Variants in RGS6 observed in about 807,000 individuals in gnomAD.
RGS6 encodes regulator of G protein signaling 6.
RGS6 carries 30 observed loss-of-function variants against 78.5 expected under a neutral mutation model. That is an observed-to-expected ratio of 0.38 (90% CI 0.29 to 0.52). The LOEUF (loss-of-function observed/expected upper bound fraction) is 0.52, where lower values mean the gene tolerates loss of function less well. Ranked by LOEUF, RGS6 falls within the 20% of genes least tolerant of loss-of-function variation. The probability of loss-of-function intolerance (pLI) is 0.85; values close to 1 mark genes in which losing one functional copy is unlikely to be tolerated. For synonymous variants in RGS6, 206 were observed against 206.0 expected, an observed-to-expected ratio of 1.00 and a Z score of 0.00; for missense variants, 495 against 609.7, an observed-to-expected ratio of 0.81 and a Z score of 1.98.
intron 2 of RGS6, among the ~76,000 whole-genome samples, chr14:72,231,803 A>G (rs2049686600): frequency 6.6e-6 from 1 of 152,004 alleles, no homozygotes; most frequent in Non-Finnish European, 1.5e-5. Flanking sequence ...AAAGGTGCTC[A>G]GAGGCTGGAG....
At chr14:72,619,823 T>C in the RGS6 span, 1 of 1,317,158 alleles carries the variant, frequency 7.6e-7, no homozygotes, top group South Asian at 1.5e-5. Flanking sequence ...GCATAAGGCC[T>C]GTACCATAGT....
intron 2 of RGS6, among the ~76,000 whole-genome samples, chr14:71,992,179 C>T (rs149379060): frequency 2.6e-4 from 39 of 152,184 alleles, no homozygotes; most frequent in South Asian, 6.2e-4. Context: ...TATAGGCCTG[C>T]GCCGCCATGC....
At chr14:72,425,675 T>G (rs1406934438) in intron 3 of RGS6, among the ~76,000 whole-genome samples, 2 of 152,226 alleles carry the variant, frequency 1.3e-5, no homozygotes, top group African/African-American at 2.4e-5. Context: ...AAATCCAGCC[T>G]AGCACATGTA....
chr14:72,433,778 A>G (rs770481835), intron 3 of RGS6, among the ~76,000 whole-genome samples: 1 of 152,150 alleles, frequency 6.6e-6, no homozygotes, highest in Non-Finnish European at 1.5e-5. Context: ...AGACCATGTG[A>G]CCTTGGGCAA....
chr14:71,981,859 G>T (rs2094474704), intron 2 of RGS6, among the ~76,000 whole-genome samples: 1 of 146,470 alleles, frequency 6.8e-6, no homozygotes, highest in African/African-American at 2.5e-5. Context: ...GCAAGCCTGG[G>T]CAATGGTGGG....
At chr14:71,970,113 C>A (rs2093717609) in intron 2 of RGS6, among the ~76,000 whole-genome samples, 1 of 152,078 alleles carries the variant, frequency 6.6e-6, no homozygotes, top group Non-Finnish European at 1.5e-5. Context: ...ACATTTAAGA[C>A]ATTTATAAAA....
At chr14:72,102,594 T>A (rs1405293549) in intron 2 of RGS6, among the ~76,000 whole-genome samples, 1 of 152,200 alleles carries the variant, frequency 6.6e-6, no homozygotes, top group Non-Finnish European at 1.5e-5. Flanking sequence ...ATGTAGCTGC[T>A]ACATGGTAGA....
At chr14:72,629,547 C>A in the RGS6 span, 3 of 1,362,338 alleles carry the variant, frequency 2.2e-6, no homozygotes, top group Non-Finnish European at 3.0e-6. Context: ...TGACAAGAGT[C>A]CTTCCTTCCT....
chr14:71,884,732 C>G, the RGS6 span, among the ~76,000 whole-genome samples: 1 of 152,124 alleles, frequency 6.6e-6, no homozygotes, highest in African/African-American at 2.4e-5. Flanking sequence ...CTGTTTTCCA[C>G]CTTTGCATGC....
chr14:71,922,022 T>A, the RGS6 span, among the ~76,000 whole-genome samples: 25 of 152,294 alleles, frequency 1.6e-4, no homozygotes, highest in African/African-American at 5.8e-4. Context: ...ATCCCACCTA[T>A]TTTTTATTCC....
At chr14:72,532,304 G>A (rs1048541500) in intron 15 of RGS6, among the ~76,000 whole-genome samples, 3 of 152,152 alleles carry the variant, frequency 2.0e-5, no homozygotes, top group Non-Finnish European at 2.9e-5. Context: ...AACTGCACCC[G>A]TATAAGACAA....
intron 2 of RGS6, among the ~76,000 whole-genome samples, chr14:72,260,828 G>C (rs2058032419): frequency 6.6e-6 from 1 of 152,324 alleles, no homozygotes; most frequent in South Asian, 2.1e-4. Context: ...AGAGCAGCCT[G>C]TGAAAGTGAG....
In RGS6 at chr14:72,183,139, C is replaced by T. The variant is rs117621071; in HGVS notation, c.85-168956C>T. Among the ~76,000 whole-genome samples, 676 of 152,122 alleles carry T rather than the reference C, an allele frequency of 4.4e-3. 3 individuals carry two copies. Among genetic ancestry groups the T allele is most frequent in the East Asian group, 0.042 (218 of 5,178 alleles). ...GTTTAAAAGCCCTTTTTTGTTTGAT[C>T]TGATAAGGTAGGCTTACTTTATGTC... On this transcript the variant is annotated intron_variant, in intron 2 of 17. Coordinates refer to ENST00000553525, the MANE Select transcript of RGS6 (RefSeq NM_001204424.2).
At chr14:72,580,342 C>T in the RGS6 span, among the ~76,000 whole-genome samples, 3 of 149,530 alleles carry the variant, frequency 2.0e-5, no homozygotes, top group South Asian at 2.2e-4. Context: ...ACAGCTTTGC[C>T]CTGCAGGAGA....
Position 72,027,445 on chromosome 14 carries a change from T to C in RGS6, c.84+62570T>C, listed in dbSNP as rs1170296626. Reference sequence around the variant, plus strand: ...TAGATCTAGAAGAATGTCTATGACATTGACAATGTGAGTCAGTACACCCTC... The same window carrying C: ...TAGATCTAGAAGAATGTCTATGACACTGACAATGTGAGTCAGTACACCCTC... On this transcript the variant is annotated intron_variant, in intron 2 of 17. Coordinates refer to ENST00000553525, the MANE Select transcript of RGS6 (RefSeq NM_001204424.2). Among the ~76,000 whole-genome samples the C allele has an allele frequency of 2.0e-5, 3 of 152,164 alleles. No homozygotes were observed. In the East Asian group the frequency reaches 5.8e-4, roughly 29 times the overall value.
intron 2 of RGS6, among the ~76,000 whole-genome samples, chr14:72,052,969 C>A (rs1029905081): frequency 0.028 from 1,359 of 48,076 alleles, 29 homozygotes; most frequent in African/African-American, 0.15. Flanking sequence ...TTCTTTCTTT[C>A]TTTCTTTCTT....
intron 2 of RGS6, among the ~76,000 whole-genome samples, chr14:72,137,261 C>T (rs75995207): frequency 0.021 from 3,238 of 152,332 alleles, 60 homozygotes; most frequent in South Asian, 0.069. Context: ...ACCCTTTCTG[C>T]AGCCCTTCAT....
intron 2 of RGS6, among the ~76,000 whole-genome samples, chr14:71,992,708 AC>A (rs2095017365): frequency 6.6e-6 from 1 of 152,254 alleles, no homozygotes; most frequent in Non-Finnish European, 1.5e-5. Context: ...TTAGAATAAC[AC>A]ATGCATTTTA....
chr14:72,136,092 C>T (rs2096434831), intron 2 of RGS6, among the ~76,000 whole-genome samples: 1 of 152,122 alleles, frequency 6.6e-6, no homozygotes, highest in Admixed American at 6.6e-5. Context: ...TCTTGCTTTG[C>T]TGGAGCTACC....
Sources: allele counts gnomAD v4.1 joint callset (sites outside exome capture counted in the v4.1 genomes callset), GRCh38; gene constraint gnomAD v4.1.1; transcripts MANE v1.5; gene names NCBI Gene and HGNC (gene_info 2026-07-23, HGNC 2026-07-21).